The following SLC44A1 variants were observed in gnomAD, a reference collection of about 807,000 sequenced individuals.
SLC44A1 encodes the protein solute carrier family 44 member 1, also known as choline transporter-like protein 1.
A neutral mutation model predicts 79.3 loss-of-function variants in SLC44A1; 26 were observed. The ratio of observed to expected loss-of-function variants is 0.33; its 90% CI spans 0.24 to 0.46. The LOEUF (loss-of-function observed/expected upper bound fraction) is 0.46, where lower values mean the gene tolerates loss of function less well. SLC44A1 is among the 20% of genes least tolerant of loss of function. The pLI, the probability that SLC44A1 is intolerant of heterozygous loss-of-function variation, is 1.00. For missense variants in SLC44A1, 688 were observed against 798.1 expected, an observed-to-expected ratio of 0.86 and a Z score of 1.66; for synonymous variants, 263 against 286.2, an observed-to-expected ratio of 0.92 and a Z score of 0.82.
In SLC44A1 at chr9:105,390,194, C is replaced by G; in HGVS notation, c.*1138C>G. The G allele has an allele frequency of 1.2e-5, 14 of 1,163,990 alleles. No individual in the cohort carries two copies. Among genetic ancestry groups the G allele is most frequent in the Non-Finnish European group, 1.5e-5 (14 of 944,138 alleles). 72.1% of individuals were successfully genotyped at this position (1,163,990 alleles called of 1,614,324 possible). Reference sequence around the variant, plus strand: ...TTGGGGGTGGGTTTGGGGTTTTTTGCTTTTTTATTCCTGAAGCTTACCAGA... The same window carrying G: ...TTGGGGGTGGGTTTGGGGTTTTTTGGTTTTTTATTCCTGAAGCTTACCAGA... On this transcript the variant is annotated 3_prime_UTR_variant, in exon 16 of 16. Coordinates refer to ENST00000374720, the MANE Select transcript of SLC44A1 (RefSeq NM_080546.5).
At chr9:105,281,332 C>T (rs73510278) in intron 1 of SLC44A1, among the ~76,000 whole-genome samples, 1 of 152,294 alleles carries the variant, frequency 6.6e-6, no homozygotes, top group African/African-American at 2.4e-5. Flanking sequence ...GGCAGTGGCA[C>T]ATGTGTTTTA....
rs189457352 is a variant in SLC44A1 at position 105,353,610 on chromosome 9, G to A, written c.501-2602G>A. 3.8e-3 allele frequency among the ~76,000 whole-genome samples: 573 copies of A among 152,262 alleles called. 4 individuals are homozygous for A. The highest frequency in any genetic ancestry group is 0.013 in the African/African-American group (541 of 41,552). On this transcript the variant is annotated intron_variant, in intron 5 of 15. Transcript: ENST00000374720. ...AGAGAGAGATGGAGTTACAGGCAGG[G>A]TGCAAGGTTAGAAGAATTGGGGCTT...
chr9:105,354,160 C>T (rs1827545042), intron 5 of SLC44A1, among the ~76,000 whole-genome samples: 3 of 146,110 alleles, frequency 2.1e-5, no homozygotes, highest in Admixed American at 7.0e-5. Flanking sequence ...ACGCCATTCT[C>T]CTGCCTCAGC....
intron 15 of SLC44A1, among the ~76,000 whole-genome samples, chr9:105,437,033 C>T (rs139949871): frequency 0.011 from 1,711 of 152,270 alleles, 25 homozygotes; most frequent in African/African-American, 0.038. Flanking sequence ...CTCGTTACTT[C>T]TGCTTATCCT....
chr9:105,253,889 A>G (rs1320444623), intron 1 of SLC44A1, among the ~76,000 whole-genome samples: 4 of 152,124 alleles, frequency 2.6e-5, no homozygotes, highest in Non-Finnish European at 4.4e-5. Flanking sequence ...ACACCTGGCT[A>G]ATTTTATGTA....
chr9:105,332,378 C>T (rs973858669), intron 3 of SLC44A1, among the ~76,000 whole-genome samples: 4 of 152,080 alleles, frequency 2.6e-5, no homozygotes, highest in Non-Finnish European at 5.9e-5. Context: ...CCTTGGCCTC[C>T]CAAAGTGCTG....
intron 12 of SLC44A1, among the ~76,000 whole-genome samples, chr9:105,367,379 A>G (rs752938037): frequency 5.3e-5 from 8 of 152,166 alleles, no homozygotes; most frequent in Non-Finnish European, 1.0e-4. Flanking sequence ...AGTAGGTATG[A>G]TGTTTCATTA....
chr9:105,393,376 A>T lies in SLC44A1; in HGVS notation c.*4320A>T. On this transcript the variant is annotated 3_prime_UTR_variant, in exon 16 of 16. Transcript: ENST00000374720. The stretch of plus-strand genomic sequence containing the variant: ...CCTTGAATATGCCAAGAGAAAATCT[A>T]AAGCTAGCAAACTTAAAAAACAAAA... 1 of 985,192 alleles carries T rather than the reference A, an allele frequency of 1.0e-6. No individual in the cohort carries two copies. Among genetic ancestry groups the T allele is most frequent in the Non-Finnish European group, 1.2e-6 (1 of 829,692 alleles). 61.0% of individuals were successfully genotyped at this position (985,192 alleles called of 1,614,324 possible). A position where few individuals can be genotyped will look rare whatever the true frequency, so the allele number is the denominator to read the frequency against.
chr9:105,324,680 T>G (rs1826515291), intron 3 of SLC44A1, among the ~76,000 whole-genome samples: 1 of 152,184 alleles, frequency 6.6e-6, no homozygotes, highest in African/African-American at 2.4e-5. Flanking sequence ...CTGAAAGAAA[T>G]CTGTGATAGG....
At chr9:105,288,132 A>G (rs1830517888) in intron 1 of SLC44A1, among the ~76,000 whole-genome samples, 1 of 152,212 alleles carries the variant, frequency 6.6e-6, no homozygotes, top group Admixed American at 6.5e-5. Context: ...GCATATTTGT[A>G]TAATCAGAGC....
In SLC44A1 at chr9:105,396,767, G is replaced by A; in HGVS notation, c.*7711G>A. On this transcript the variant is annotated 3_prime_UTR_variant, in exon 16 of 16. Transcript: ENST00000374720. ...GCATCCTATTTCATAGTGCCAAAAT[G>A]AATTTTTGTATCTTGTCTTGTCTTT... 1.0e-6 allele frequency: 1 copy of A among 983,232 alleles called. No individual in the cohort carries two copies. Among genetic ancestry groups the A allele is most frequent in the African/African-American group, 1.8e-5 (1 of 56,926 alleles). 60.9% of individuals were successfully genotyped at this position (983,232 alleles called of 1,614,324 possible).
intron 1 of SLC44A1, among the ~76,000 whole-genome samples, chr9:105,280,922 A>G (rs972435861): frequency 1.3e-5 from 2 of 152,210 alleles, no homozygotes; most frequent in African/African-American, 2.4e-5. Flanking sequence ...GTGTGAGTCA[A>G]TGTGAGATCA....
intron 2 of SLC44A1, among the ~76,000 whole-genome samples, chr9:105,304,320 A>G (rs1426265650): frequency 6.6e-6 from 1 of 152,210 alleles, no homozygotes; most frequent in Non-Finnish European, 1.5e-5. Context: ...TCACAGAAAT[A>G]AGAACAACAA....
chr9:105,389,511 A>G lies in SLC44A1; in HGVS notation c.*455A>G. On this transcript the variant is annotated 3_prime_UTR_variant, in exon 16 of 16. Transcript: ENST00000374720. The stretch of plus-strand genomic sequence containing the variant: ...CTTATTTTACTGATGCATAAGTCCT[A>G]GTGGGTCAAGACTAGGCATATGCTT... 9.5e-7 allele frequency: 1 copy of G among 1,053,472 alleles called. No individual in the cohort carries two copies. Among genetic ancestry groups the G allele is most frequent in the South Asian group, 4.3e-5 (1 of 23,244 alleles). The allele number at this position is 1,053,472 out of a possible 1,614,324, so 65.3% of individuals were successfully genotyped here.
chr9:105,348,287 A>G (rs1452416796), intron 4 of SLC44A1, 71 bp from the exon 5 acceptor site: 4 of 808,574 alleles, frequency 4.9e-6, no homozygotes, highest in Non-Finnish European at 8.4e-6. Context: ...TGAATAATAC[A>G]AAATTAAAAT....
chr9:105,251,438 C>A lies in SLC44A1; in HGVS notation c.36+6534C>A, dbSNP rs544772943. ...ATCTCTCCGTAACTGTTCATGCTCCCTTCTAATTTTTCTTCGTATTGCAGT... is the reference window on the plus strand; with the variant it reads ...ATCTCTCCGTAACTGTTCATGCTCCATTCTAATTTTTCTTCGTATTGCAGT... On this transcript the variant is annotated intron_variant, in intron 1 of 15. Transcript: ENST00000374720. 2.5e-3 allele frequency among the ~76,000 whole-genome samples: 377 copies of A among 152,304 alleles called. 2 individuals carry two copies. The highest frequency in any genetic ancestry group is 3.9e-3 in the Non-Finnish European group (266 of 68,024).
At chr9:105,254,571 G>A (rs1477247764) in intron 1 of SLC44A1, among the ~76,000 whole-genome samples, 2 of 152,162 alleles carry the variant, frequency 1.3e-5, no homozygotes, top group African/African-American at 4.8e-5. Flanking sequence ...CTTTAAATCA[G>A]ACTTCTATAG....
chr9:105,413,500 A>G (rs1054795057), intron 15 of SLC44A1, among the ~76,000 whole-genome samples: 8 of 152,208 alleles, frequency 5.3e-5, no homozygotes, highest in African/African-American at 1.9e-4. Context: ...TACAAACACC[A>G]ACAGAACCAC....
intron 15 of SLC44A1, among the ~76,000 whole-genome samples, chr9:105,425,553 T>C (rs7038639): frequency 1.0e-3 from 155 of 152,316 alleles, no homozygotes; most frequent in African/African-American, 3.5e-3. Context: ...CCAGGTGTAG[T>C]GGCTCACGCC....
Sources: gnomAD v4.1 joint callset for allele counts (sites outside exome capture counted in the v4.1 genomes callset) on GRCh38, gnomAD v4.1.1 for gene constraint, MANE v1.5 for transcripts, NCBI Gene and HGNC (gene_info 2026-07-23, HGNC 2026-07-21) for gene names.